The following GYG2 variants were observed in gnomAD, a reference collection of about 807,000 sequenced individuals.
GYG2 encodes the protein glycogenin-2.
GYG2 carries 29 observed loss-of-function variants against 29.4 expected under a neutral mutation model. That is an observed-to-expected ratio of 0.99 (90% CI 0.74 to 1.35). The LOEUF (loss-of-function observed/expected upper bound fraction) is 1.35. Ranked by LOEUF, GYG2 falls within the 40% of genes most tolerant of loss-of-function variation. The pLI, the probability that GYG2 is intolerant of heterozygous loss-of-function variation, is 0.00. For missense variants in GYG2, 370 were observed against 385.7 expected (o/e 0.96, Z 0.34); for synonymous variants, 167 against 172.3 (o/e 0.97, Z 0.24).
chrX:2,862,130 A>T (rs2088184261), intron 8 of GYG2, among the ~76,000 whole-genome samples: 1 of 110,744 alleles, frequency 9.0e-6, no homozygotes, highest in Non-Finnish European at 1.9e-5. Context: ...GAGGCCAGAG[A>T]GAGAGGGGAT....
intron 2 of GYG2, among the ~76,000 whole-genome samples, chrX:2,838,994 G>A (rs2087439767): frequency 9.0e-6 from 1 of 111,485 alleles, no homozygotes; most frequent in South Asian, 3.7e-4. Flanking sequence ...TAACTTTTCA[G>A]TTTTCTCTTT....
chrX:2,872,295 GTTC>G (rs770069715), intron 8 of GYG2, among the ~76,000 whole-genome samples: 1 of 112,525 alleles, frequency 8.9e-6, no homozygotes, highest in East Asian at 2.8e-4. Flanking sequence ...TGCCAAAAAT[GTTC>G]TTAAGAGCGG....
In GYG2 at chrX:2,881,280, A is replaced by C; in HGVS notation, c.*67A>C. On this transcript the variant is annotated 3_prime_UTR_variant, in exon 11 of 11. Coordinates refer to ENST00000398806, the MANE Select transcript of GYG2 (RefSeq NM_001079855.2). ...TGTTGGGTGGTCCTGTTGCGTGGAGATCTCCTCTGGTCCTTTCAAAGGGAA... is the reference window on the plus strand; with the variant it reads ...TGTTGGGTGGTCCTGTTGCGTGGAGCTCTCCTCTGGTCCTTTCAAAGGGAA... 1 of 922,284 alleles carries C rather than the reference A, an allele frequency of 1.1e-6. No individual in the cohort carries two copies. Among genetic ancestry groups the C allele is most frequent in the Non-Finnish European group, 1.5e-6 (1 of 672,644 alleles). 76.0% of individuals were successfully genotyped at this position (922,284 alleles called of 1,213,427 possible).
chrX:2,879,421 C>T (rs1032340279), intron 10 of GYG2, among the ~76,000 whole-genome samples: 1 of 110,323 alleles, frequency 9.1e-6, no homozygotes, highest in Non-Finnish European at 1.9e-5. Flanking sequence ...TCACCCACGA[C>T]CAAGCCCGGC....
intron 9 of GYG2, 125 bp from the exon 10 acceptor site, chrX:2,877,075 G>A (rs917430608): frequency 3.2e-6 from 3 of 937,786 alleles, no homozygotes; most frequent in South Asian, 2.6e-5. Flanking sequence ...GAGCCACCGC[G>A]CCTGGCCTCA....
At chrX:2,831,020 G>T (rs1180601762) in intron 2 of GYG2, among the ~76,000 whole-genome samples, 2 of 112,489 alleles carry the variant, frequency 1.8e-5, no homozygotes, top group Non-Finnish European at 3.8e-5. Flanking sequence ...CCAAGGACCG[G>T]TGAGCCCCAT....
At chrX:2,854,235 TGTG>T in intron 4 of GYG2, 81 bp downstream of exon 4, 1 of 687,571 alleles carries the variant, frequency 1.5e-6, no homozygotes, top group Non-Finnish European at 2.2e-6. Flanking sequence ...CTTTTTTTTG[TGTG>T]TGTGTGACAC....
chrX:2,844,248 A>ACC (rs769262121), intron 3 of GYG2, among the ~76,000 whole-genome samples: 4 of 112,119 alleles, frequency 3.6e-5, no homozygotes, highest in African/African-American at 1.3e-4. Context: ...CAAATAAAAA[A>ACC]CCAACCAGTG....
At chrX:2,852,161 G>A (rs1018516207) in intron 3 of GYG2, among the ~76,000 whole-genome samples, 2 of 111,675 alleles carry the variant, frequency 1.8e-5, no homozygotes, top group African/African-American at 6.5e-5. Context: ...GGAGGCTGAG[G>A]CAGGCGGACC....
chrX:2,878,005 G>C, intron 10 of GYG2: 1 of 751,358 alleles, frequency 1.3e-6, no homozygotes, highest in Non-Finnish European at 1.6e-6. Flanking sequence ...ATGTGAACTT[G>C]TTTTTCTCAT....
chrX:2,871,826 G>GA (rs2088479558), intron 8 of GYG2, among the ~76,000 whole-genome samples: 1 of 112,140 alleles, frequency 8.9e-6, no homozygotes, highest in African/African-American at 3.2e-5. Context: ...GCTGAAAGTG[G>GA]AAAAAATCTC....
chrX:2,861,547 C>T lies in GYG2; in HGVS notation c.863C>T (p.Pro288Leu), dbSNP rs111544757. The change falls in exon 8 of 11, where the codon CCG becomes CTG. Residue 288 changes from proline (P) to leucine (L), a missense_variant. Physicochemically the swap from Pro to Leu is moderately conservative, Grantham distance 98 (BLOSUM62 -3). Coordinates refer to ENST00000398806, the MANE Select transcript of GYG2 (RefSeq NM_001079855.2). ...CTTTGCCACAGTGATGTGGGGGGGC[C>T]GTGTGCGGATTCAGCCTCTGGTGTT... ...HTLCHSDVGG[P>L]CADSASGVGE... The T allele has an allele frequency of 5.8e-5, 70 of 1,205,174 alleles. No homozygotes were observed. The highest frequency in any genetic ancestry group is 3.9e-4 in the African/African-American group (22 of 56,806).
intron 4 of GYG2, 128 bp downstream of exon 4, chrX:2,854,282 C>T: frequency 2.1e-6 from 1 of 466,624 alleles, no homozygotes; most frequent in East Asian, 3.8e-5. Flanking sequence ...AGTGCAATGG[C>T]ACGATCTCGG....
intron 8 of GYG2, among the ~76,000 whole-genome samples, chrX:2,865,501 A>T (rs1603460036): frequency 1.8e-5 from 2 of 111,677 alleles, no homozygotes; most frequent in Admixed American, 1.9e-4. Context: ...ATAGATATGT[A>T]GCTTCGTGTT....
At chrX:2,862,278 A>G (rs4892902) in intron 8 of GYG2, among the ~76,000 whole-genome samples, 1 of 110,134 alleles carries the variant, frequency 9.1e-6, no homozygotes, top group Non-Finnish European at 1.9e-5. Context: ...CCTGCCGACA[A>G]CTTGATTTTA....
intron 3 of GYG2, among the ~76,000 whole-genome samples, chrX:2,848,774 C>T (rs2087804137): frequency 8.9e-6 from 1 of 111,780 alleles, no homozygotes; most frequent in Admixed American, 9.6e-5. Context: ...TTATTCCTGC[C>T]TGTGTCAAAG....
intron 8 of GYG2, among the ~76,000 whole-genome samples, chrX:2,873,847 T>G (rs1385227217): frequency 5.4e-5 from 6 of 111,196 alleles, no homozygotes; most frequent in African/African-American, 2.0e-4. Context: ...TCCAGTACTT[T>G]GGGAGGCTGA....
Position 2,854,029 on chromosome X carries a change from G to A in GYG2, c.199G>A (p.Asp67Asn), listed in dbSNP as rs769801910. 1.2e-5 allele frequency: 14 copies of A among 1,196,149 alleles called. No individual in the cohort carries two copies. Among genetic ancestry groups the A allele is most frequent in the Admixed American group, 2.2e-5 (1 of 45,639 alleles). ...TGAAGTCATTGAAGTGAATCTAATC[G>A]ATAGTGCCGACTACATCCACCTGGC... is the stretch of plus-strand genomic sequence containing the variant. The part of the protein sequence containing the change: ...FDEVIEVNLI[D>N]SADYIHLAFL... Residue 67 changes from aspartate to asparagine, a missense_variant, in exon 4 of 11, where the codon GAT becomes AAT. Transcript: ENST00000398806.
At chrX:2,868,433 G>C (rs1384589083) in intron 8 of GYG2, among the ~76,000 whole-genome samples, 1 of 100,293 alleles carries the variant, frequency 1.0e-5, no homozygotes, top group Non-Finnish European at 2.0e-5. Context: ...TTCCAGCCTG[G>C]GCAACAGAGT....
Sources: gnomAD v4.1 joint callset for allele counts (sites outside exome capture counted in the v4.1 genomes callset) on GRCh38, gnomAD v4.1.1 for gene constraint, MANE v1.5 for transcripts, NCBI Gene and HGNC (gene_info 2026-07-23, HGNC 2026-07-21) for gene names.